GRIN2A: variants seen among roughly 807,000 people sequenced by gnomAD.
GRIN2A encodes the protein glutamate receptor ionotropic, NMDA 2A.
In GRIN2A, 22 loss-of-function variants were observed where a neutral mutation model predicts 113.4. The observed-to-expected ratio is 0.19, with a 90% CI of 0.14 to 0.28. The LOEUF (loss-of-function observed/expected upper bound fraction) is 0.28, where lower values mean the gene tolerates loss of function less well. Among genes scored for constraint, GRIN2A ranks in the 10% least tolerant of loss-of-function variants. GRIN2A has a pLI of 1.00. For synonymous variants in GRIN2A, 827 were observed against 738.4 expected (o/e 1.12, Z -1.94); for missense variants, 1,502 against 1,887.0 (o/e 0.80, Z 3.78).
chr16:9,772,942 AAG>A (rs1555484403), intron 11 of GRIN2A, among the ~76,000 whole-genome samples: 1 of 151,706 alleles, frequency 6.6e-6, no homozygotes, highest in Non-Finnish European at 1.5e-5. Context: ...AAAAAAAAAA[AAG>A]AGCAAATGCA....
chr16:9,948,211 T>C (rs773591747), intron 2 of GRIN2A, among the ~76,000 whole-genome samples: 9 of 152,206 alleles, frequency 5.9e-5, no homozygotes, highest in Non-Finnish European at 1.0e-4. Context: ...TTCAAGTGCA[T>C]TTATTTAATC....
chr16:10,008,094 T>C (rs955650614), intron 2 of GRIN2A, among the ~76,000 whole-genome samples: 3 of 152,204 alleles, frequency 2.0e-5, no homozygotes, highest in African/African-American at 7.2e-5. Flanking sequence ...TTGAACATCT[T>C]GGGGGGAAGT....
chr16:9,918,008 A>G (rs1417746329), intron 3 of GRIN2A, among the ~76,000 whole-genome samples: 1 of 152,182 alleles, frequency 6.6e-6, no homozygotes, highest in Admixed American at 6.5e-5. Flanking sequence ...CGAGAATTAT[A>G]TTATTATATA....
At chr16:9,954,228 A>G (rs2045253271) in intron 2 of GRIN2A, among the ~76,000 whole-genome samples, 1 of 152,216 alleles carries the variant, frequency 6.6e-6, no homozygotes, top group South Asian at 2.1e-4. Context: ...TTGAAGAACA[A>G]GATTCCTTAG....
At chr16:9,886,623 C>G (rs569006442) in intron 4 of GRIN2A, among the ~76,000 whole-genome samples, 16 of 152,252 alleles carry the variant, frequency 1.1e-4, no homozygotes, top group Non-Finnish European at 1.9e-4. Flanking sequence ...AATATTTTTT[C>G]TCTTGTTTAT....
At chr16:9,788,456 C>A (rs886969147) in intron 11 of GRIN2A, among the ~76,000 whole-genome samples, 23 of 151,912 alleles carry the variant, frequency 1.5e-4, no homozygotes, top group African/African-American at 5.3e-4. Flanking sequence ...TGGGGTTTTG[C>A]CATGTTGGCC....
chr16:9,778,788 C>T (rs1191513462), intron 11 of GRIN2A, among the ~76,000 whole-genome samples: 1 of 152,218 alleles, frequency 6.6e-6, no homozygotes, highest in Non-Finnish European at 1.5e-5. Flanking sequence ...GCCCTTGCAG[C>T]TCTTGTCTGA....
intron 11 of GRIN2A, among the ~76,000 whole-genome samples, chr16:9,784,486 C>T (rs1349897928): frequency 2.1e-5 from 3 of 144,402 alleles, no homozygotes; most frequent in African/African-American, 7.7e-5. Flanking sequence ...CCATAAAAAC[C>T]CTAGAAGAAA....
intron 2 of GRIN2A, among the ~76,000 whole-genome samples, chr16:10,156,929 G>C (rs2049710451): frequency 6.6e-6 from 1 of 152,172 alleles, no homozygotes; most frequent in East Asian, 1.9e-4. Context: ...GAAAGAACAA[G>C]TTATCTAATT....
chr16:10,141,902 C>T (rs2049333221), intron 2 of GRIN2A, among the ~76,000 whole-genome samples: 1 of 152,192 alleles, frequency 6.6e-6, no homozygotes, highest in Non-Finnish European at 1.5e-5. Context: ...CTTATGACTC[C>T]AGCTGAGAGT....
intron 2 of GRIN2A, among the ~76,000 whole-genome samples, chr16:9,949,410 A>C (rs1485392449): frequency 6.6e-6 from 1 of 151,568 alleles, no homozygotes; most frequent in East Asian, 1.9e-4. Flanking sequence ...AAATAGGACA[A>C]ATGGATGGAC....
intron 3 of GRIN2A, among the ~76,000 whole-genome samples, chr16:9,929,053 C>A (rs551893803): frequency 3.3e-5 from 5 of 152,190 alleles, no homozygotes; most frequent in African/African-American, 1.2e-4. Context: ...GAATTTACAG[C>A]GTAACTCTTT....
rs765156643 is a variant in GRIN2A, at chr16:9,763,506, T to G, written c.4038A>C (p.Gln1346His). The change falls in exon 13 of 13, where the codon CAA (glutamine) becomes CAC (histidine). Residue 1346 changes from glutamine to histidine, a missense_variant. Gln to His is a conservative substitution (Grantham distance 24). This residue lies in a region of GRIN2A where 832 missense variants were observed against 789.7 expected (regional missense o/e 1.05). Transcript: ENST00000330684. ...TGCTCCTCTTGCTGTCCTCCAGACC[T>G]TGGGGGAAAAGGGAGCTTTTTTTCC... ...LSGKKSSLFP[Q>H]GLEDSKRSKS... 6.2e-7 allele frequency: 1 copy of G among 1,614,102 alleles called. No individual in the cohort carries two copies. The highest frequency in any genetic ancestry group is 1.1e-5 in the South Asian group (1 of 91,072).
chr16:9,982,332 T>C (rs2045906485), intron 2 of GRIN2A, among the ~76,000 whole-genome samples: 1 of 152,224 alleles, frequency 6.6e-6, no homozygotes, highest in Non-Finnish European at 1.5e-5. Context: ...ATAAATTTTC[T>C]GGTTGTCTTT....
intron 2 of GRIN2A, among the ~76,000 whole-genome samples, chr16:9,994,796 C>T (rs2046191749): frequency 6.6e-6 from 1 of 152,226 alleles, no homozygotes; most frequent in South Asian, 2.1e-4. Flanking sequence ...AACTCCTTTA[C>T]CCTGAAAGTG....
chr16:10,172,602 G>T (rs905265004), intron 2 of GRIN2A, among the ~76,000 whole-genome samples: 1 of 152,248 alleles, frequency 6.6e-6, no homozygotes, highest in Non-Finnish European at 1.5e-5. Flanking sequence ...GCAGTGGGAG[G>T]GCAGGGATCG....
At chr16:9,899,958 T>G (rs1596557623) in intron 3 of GRIN2A, among the ~76,000 whole-genome samples, 3 of 152,214 alleles carry the variant, frequency 2.0e-5, no homozygotes, top group East Asian at 3.9e-4. Flanking sequence ...GTTCTCAGAG[T>G]ATTTGTTTCC....
chr16:9,777,947 C>G (rs990260922), intron 11 of GRIN2A, among the ~76,000 whole-genome samples: 10 of 152,160 alleles, frequency 6.6e-5, no homozygotes, highest in African/African-American at 2.4e-4. Flanking sequence ...CGCCTGTAAT[C>G]CCAGCTACTC....
rs557271447 is a variant in GRIN2A, at chr16:10,038,681, T to C, written c.415-100130A>G. ...ACATGGTGAAACCCTGTCTCTACTATAAAAAACACAAAAAAAATTACCCGG... is the reference window on the plus strand; with the variant it reads ...ACATGGTGAAACCCTGTCTCTACTACAAAAAACACAAAAAAAATTACCCGG... On this transcript the variant is annotated intron_variant, in intron 2 of 12. Coordinates refer to ENST00000330684, the MANE Select transcript of GRIN2A (RefSeq NM_001134407.3). 3.0e-3 allele frequency among the ~76,000 whole-genome samples: 431 copies of C among 142,982 alleles called. 1 individual carries two copies. Among genetic ancestry groups the C allele is most frequent in the Admixed American group, 7.0e-3 (95 of 13,620 alleles). The allele number at this position is 142,982 out of a possible 152,430, so 93.8% of individuals were successfully genotyped here.
Sources: allele counts gnomAD v4.1 joint callset (sites outside exome capture counted in the v4.1 genomes callset), GRCh38; gene constraint gnomAD v4.1.1; regional missense constraint gnomAD v4.1.1; transcripts MANE v1.5; gene names NCBI Gene and HGNC (gene_info 2026-07-23, HGNC 2026-07-21).